The following GPD1L variants were observed in gnomAD, a reference collection of about 807,000 sequenced individuals.
The protein encoded by GPD1L is glycerol-3-phosphate dehydrogenase 1 like, also known as glycerol-3-phosphate dehydrogenase 1-like protein.
A neutral mutation model predicts 32.9 loss-of-function variants in GPD1L; 17 were observed. The ratio of observed to expected loss-of-function variants is 0.52; its 90% CI spans 0.35 to 0.78. The LOEUF (loss-of-function observed/expected upper bound fraction) is 0.78, where lower values mean the gene tolerates loss of function less well. Ranked by LOEUF, GPD1L falls within the 30% of genes least tolerant of loss-of-function variation. The pLI is 0.01. For synonymous variants in GPD1L, 187 were observed against 165.9 expected (o/e 1.13, Z -0.98); for missense variants, 361 against 447.8 (o/e 0.81, Z 1.75).
At chr3:32,142,781 G>GT (rs879608587) in intron 4 of GPD1L, among the ~76,000 whole-genome samples, 2 of 151,952 alleles carry the variant, frequency 1.3e-5, no homozygotes, top group Non-Finnish European at 2.9e-5. Context: ...GGCTTTTTTG[G>GT]TTTTAAAAAA....
At chr3:32,139,926 G>A (rs1700715608) in intron 3 of GPD1L, among the ~76,000 whole-genome samples, 1 of 152,202 alleles carries the variant, frequency 6.6e-6, no homozygotes, top group African/African-American at 2.4e-5. Context: ...AGGGAGCAAT[G>A]CATACAGCAT....
chr3:32,127,941 G>T (rs540438357), intron 1 of GPD1L, 135 bp from the exon 2 acceptor site: 1 of 715,618 alleles, frequency 1.4e-6, no homozygotes, highest in South Asian at 1.6e-5. Flanking sequence ...GCTTGGGGCT[G>T]ATACACGTCA....
At chr3:32,150,955 C>T (rs563683031) in intron 5 of GPD1L, 25 of 211,374 alleles carry the variant, frequency 1.2e-4, no homozygotes, top group African/African-American at 5.4e-4. Flanking sequence ...ATTAGTCAGA[C>T]GTGGTGGCTT....
chr3:32,140,047 G>A (rs1700718637), intron 3 of GPD1L, among the ~76,000 whole-genome samples, 181 bp from the exon 4 acceptor site: 1 of 152,214 alleles, frequency 6.6e-6, no homozygotes, highest in African/African-American at 2.4e-5. Flanking sequence ...TAACACGAGT[G>A]ATGAGTACAT....
intron 7 of GPD1L, among the ~76,000 whole-genome samples, chr3:32,160,920 G>A (rs1389038118): frequency 6.6e-6 from 1 of 152,168 alleles, no homozygotes; most frequent in Non-Finnish European, 1.5e-5. Flanking sequence ...CATATTGCAT[G>A]TATCCTTAAC....
chr3:32,106,904 G>C lies in GPD1L; in HGVS notation c.47+146G>C. 1.5e-6 allele frequency: 1 copy of C among 667,730 alleles called. No homozygotes were observed. The highest frequency in any genetic ancestry group is 2.1e-6 in the Non-Finnish European group (1 of 467,344). 41.4% of individuals were successfully genotyped at this position (667,730 alleles called of 1,614,324 possible). A position where few individuals can be genotyped will look rare whatever the true frequency, so the allele number is the denominator to read the frequency against. On this transcript the variant is annotated intron_variant, in intron 1 of 7. Transcript: ENST00000282541. The surrounding 1 kb of genome is among the most constrained non-coding windows in gnomAD (Gnocchi z 4.0). The stretch of plus-strand genomic sequence containing the variant: ...GTGGGCGACCTCGTTGCTGGGCTGG[G>C]CACCGTGCGCCCGAGGAGGCCGCAC...
chr3:32,119,104 T>C (rs1700371314), intron 1 of GPD1L, among the ~76,000 whole-genome samples: 1 of 152,234 alleles, frequency 6.6e-6, no homozygotes, highest in South Asian at 2.1e-4. Flanking sequence ...TTTGAGACCC[T>C]GCTTTCAATT....
chr3:32,163,877 A>C (rs1701109030), intron 7 of GPD1L, among the ~76,000 whole-genome samples: 1 of 152,232 alleles, frequency 6.6e-6, no homozygotes, highest in South Asian at 2.1e-4. Context: ...GGAGGTGAAC[A>C]TTATTAAAGT....
At chr3:32,122,514 T>C (rs1274429004) in intron 1 of GPD1L, among the ~76,000 whole-genome samples, 1 of 152,250 alleles carries the variant, frequency 6.6e-6, no homozygotes, top group Non-Finnish European at 1.5e-5. Flanking sequence ...ACTTGTGAAA[T>C]AGTGTATACT....
chr3:32,158,796 CG>C (rs1701032920), intron 5 of GPD1L, 79 bp from the exon 6 acceptor site: 2 of 1,561,968 alleles, frequency 1.3e-6, no homozygotes, highest in Admixed American at 3.8e-5. Flanking sequence ...GCCCCTGCCT[CG>C]GCATCCCCCA....
chr3:32,154,296 C>T (rs1700958888), intron 5 of GPD1L, among the ~76,000 whole-genome samples: 1 of 152,018 alleles, frequency 6.6e-6, no homozygotes, highest in African/African-American at 2.4e-5. Context: ...GTCTAGACTC[C>T]CATGCCCTGC....
chr3:32,115,893 A>G (rs1435945659), intron 1 of GPD1L, among the ~76,000 whole-genome samples: 6 of 147,100 alleles, frequency 4.1e-5, no homozygotes, highest in Non-Finnish European at 5.9e-5. Flanking sequence ...GGTTCAAGCA[A>G]TTCTCCTGCC....
At chr3:32,148,187 T>C (rs1187766989) in intron 5 of GPD1L, among the ~76,000 whole-genome samples, 1 of 152,232 alleles carries the variant, frequency 6.6e-6, no homozygotes, top group Admixed American at 6.5e-5. Context: ...AAAGCTGTTT[T>C]CAAGTGACTG....
intron 1 of GPD1L, among the ~76,000 whole-genome samples, chr3:32,115,572 G>C (rs1440751965): frequency 6.6e-6 from 1 of 151,924 alleles, no homozygotes; most frequent in Non-Finnish European, 1.5e-5. Context: ...ATGGGTTATA[G>C]GCAAAAAAAG....
At chr3:32,163,753 A>G (rs766970859) in intron 7 of GPD1L, among the ~76,000 whole-genome samples, 15 of 152,168 alleles carry the variant, frequency 9.9e-5, no homozygotes, top group Non-Finnish European at 1.9e-4. Context: ...TCTTCCACAC[A>G]CTTCATATCT....
intron 1 of GPD1L, among the ~76,000 whole-genome samples, chr3:32,122,148 G>T (rs1039873696): frequency 6.6e-6 from 1 of 152,166 alleles, no homozygotes; most frequent in African/African-American, 2.4e-5. Flanking sequence ...TGAGGATGGG[G>T]ACTTGTCTGC....
chr3:32,140,403 C>A, intron 4 of GPD1L, 37 bp downstream of exon 4: 1 of 1,609,200 alleles, frequency 6.2e-7, no homozygotes, highest in Non-Finnish European at 8.5e-7. Flanking sequence ...GGAGTCTGGA[C>A]ATTTGATGTT....
intron 5 of GPD1L, chr3:32,151,151 C>A: frequency 1.8e-6 from 1 of 550,418 alleles, no homozygotes. Context: ...CCACAAAGTG[C>A]GCTTCTCTGG....
intron 3 of GPD1L, 124 bp from the exon 4 acceptor site, chr3:32,140,104 A>G (rs1575115535): frequency 1.1e-6 from 1 of 917,538 alleles, no homozygotes; most frequent in Non-Finnish European, 1.8e-6. Flanking sequence ...CATAGGCAGT[A>G]TAGATGCTTT....
Sources: gnomAD v4.1 joint callset for allele counts (sites outside exome capture counted in the v4.1 genomes callset) on GRCh38, gnomAD v4.1.1 for gene constraint, Gnocchi (gnomAD v3.1) non-coding constraint, MANE v1.5 for transcripts, NCBI Gene and HGNC (gene_info 2026-07-23, HGNC 2026-07-21) for gene names.